MYO10: variants seen among roughly 807,000 people sequenced by gnomAD.
The protein encoded by MYO10 is unconventional myosin-X.
A neutral mutation model predicts 257.3 loss-of-function variants in MYO10; 133 were observed. The ratio of observed to expected loss-of-function variants is 0.52; its 90% CI spans 0.45 to 0.60. The LOEUF (loss-of-function observed/expected upper bound fraction) is 0.60. Ranked by LOEUF, MYO10 falls within the 20% of genes least tolerant of loss-of-function variation. The pLI, the probability that MYO10 is intolerant of heterozygous loss-of-function variation, is 0.00. For missense variants in MYO10, 2,399 were observed against 2,635.7 expected (o/e 0.91, Z 1.97); for synonymous variants, 1,104 against 1,028.6 (o/e 1.07, Z -1.40).
At chr5:16,885,137 C>T (rs373307237) in intron 1 of MYO10, among the ~76,000 whole-genome samples, 125 of 151,558 alleles carry the variant, frequency 8.2e-4, no homozygotes, top group African/African-American at 2.9e-3. Flanking sequence ...GAGCAGAGGC[C>T]GACAGGTGGG....
intron 2 of MYO10, among the ~76,000 whole-genome samples, chr5:16,840,448 A>AAT (rs771759083): frequency 0.01 from 1,146 of 110,356 alleles, 7 homozygotes; most frequent in Non-Finnish European, 0.014. Context: ...AATGAATGAA[A>AAT]GAAAGAAACA....
intron 27 of MYO10, 30 bp downstream of exon 27, chr5:16,694,341 A>G (rs1737635978): frequency 6.2e-6 from 10 of 1,613,218 alleles, no homozygotes; most frequent in Non-Finnish European, 8.5e-6. Flanking sequence ...TGAGCAACCC[A>G]TCGGGCCACA....
intron 19 of MYO10, among the ~76,000 whole-genome samples, chr5:16,748,833 G>A (rs2126638472): frequency 6.6e-6 from 1 of 152,196 alleles, no homozygotes; most frequent in Admixed American, 6.5e-5. Context: ...AACCTGAGGG[G>A]CTGAGTCTGA....
intron 1 of MYO10, among the ~76,000 whole-genome samples, chr5:16,901,429 C>T (rs1170761576): frequency 6.6e-6 from 1 of 152,126 alleles, no homozygotes; most frequent in South Asian, 2.1e-4. Context: ...TTTCCAACAA[C>T]CCAAGAACCT....
chr5:16,902,598 C>T (rs1188707058), intron 1 of MYO10: 41 of 1,568,156 alleles, frequency 2.6e-5, no homozygotes, highest in Middle Eastern at 1.7e-4. Flanking sequence ...CACGTGGCCG[C>T]GGCCCTTTTT....
At chr5:16,684,856 G>T (rs1476923379) in intron 29 of MYO10, among the ~76,000 whole-genome samples, 1 of 152,008 alleles carries the variant, frequency 6.6e-6, no homozygotes, top group Non-Finnish European at 1.5e-5. Context: ...AGACCAGACT[G>T]GGCAACATAG....
intron 2 of MYO10, among the ~76,000 whole-genome samples, chr5:16,834,346 G>A (rs549464235): frequency 8.2e-4 from 125 of 152,236 alleles, no homozygotes; most frequent in Non-Finnish European, 1.1e-3. Flanking sequence ...CTGGTGCACC[G>A]TGATGAGGAC....
chr5:16,722,053 C>T (rs31290), intron 19 of MYO10, among the ~76,000 whole-genome samples: 123,311 of 152,146 alleles, frequency 0.81, 50,202 homozygotes, highest in Non-Finnish European at 0.82. Context: ...CTTCCTGTCT[C>T]CACCTCAGCT....
At chr5:16,880,314 T>C (rs572816703) in intron 1 of MYO10, among the ~76,000 whole-genome samples, 55 of 151,354 alleles carry the variant, frequency 3.6e-4, no homozygotes, top group Non-Finnish European at 6.8e-4. Flanking sequence ...CAGAAGGAGG[T>C]TCTACAAACA....
At chr5:16,935,323 C>A (rs1364087521) in intron 1 of MYO10, among the ~76,000 whole-genome samples, 2 of 152,198 alleles carry the variant, frequency 1.3e-5, no homozygotes, top group Admixed American at 6.5e-5. Context: ...ATTAAGCCGT[C>A]TCCTCTGGAA....
At chr5:16,808,038 AT>A (rs1037464353) in intron 3 of MYO10, among the ~76,000 whole-genome samples, 2 of 152,222 alleles carry the variant, frequency 1.3e-5, no homozygotes, top group Non-Finnish European at 2.9e-5. Flanking sequence ...CGGCATCAGC[AT>A]CGATATGCTG....
intron 1 of MYO10, among the ~76,000 whole-genome samples, chr5:16,890,665 C>A (rs556577018): frequency 6.6e-6 from 1 of 151,498 alleles, no homozygotes; most frequent in Admixed American, 6.6e-5. Flanking sequence ...CACGGAGAAA[C>A]CCTATCTCCA....
intron 2 of MYO10, among the ~76,000 whole-genome samples, chr5:16,848,307 C>T (rs542081262): frequency 3.3e-5 from 5 of 151,980 alleles, no homozygotes; most frequent in African/African-American, 1.2e-4. Context: ...TACAGACATG[C>T]GCCACTACGC....
intron 27 of MYO10, 76 bp from the exon 28 acceptor site, chr5:16,689,995 G>A (rs1427183748): frequency 6.6e-6 from 7 of 1,056,516 alleles, no homozygotes; most frequent in African/African-American, 1.6e-5. Context: ...AACTAATGAA[G>A]CCAATGACTA....
At chr5:16,876,277 G>A (rs1744602198) in intron 2 of MYO10, among the ~76,000 whole-genome samples, 1 of 152,082 alleles carries the variant, frequency 6.6e-6, no homozygotes, top group South Asian at 2.1e-4. Flanking sequence ...GGACGTGCCA[G>A]GTTTCTCTTA....
At chr5:16,706,800 C>A (rs1031066071) in intron 21 of MYO10, among the ~76,000 whole-genome samples, 1 of 152,158 alleles carries the variant, frequency 6.6e-6, no homozygotes, top group Non-Finnish European at 1.5e-5. Flanking sequence ...AGCATTCTTC[C>A]ACATCTTTAT....
intron 1 of MYO10, among the ~76,000 whole-genome samples, chr5:16,901,997 G>A (rs1347350716): frequency 2.6e-5 from 4 of 152,138 alleles, no homozygotes; most frequent in South Asian, 2.1e-4. Flanking sequence ...CTAACACAGC[G>A]TTCTGCTTCT....
intron 2 of MYO10, among the ~76,000 whole-genome samples, chr5:16,861,825 AC>A (rs1744117186): frequency 6.6e-6 from 1 of 152,054 alleles, no homozygotes; most frequent in African/African-American, 2.4e-5. Flanking sequence ...CTGGATGCAA[AC>A]CCCAATACTA....
intron 1 of MYO10, among the ~76,000 whole-genome samples, chr5:16,912,802 G>GCACACACACACACACACACA (rs70943817): frequency 1.3e-4 from 15 of 111,594 alleles, no homozygotes; most frequent in Non-Finnish European, 2.3e-4. Context: ...CTACCACCCT[G>GCACACACACACACACACACA]CACACACACA....
Sources: gnomAD v4.1 joint callset for allele counts (sites outside exome capture counted in the v4.1 genomes callset) on GRCh38, gnomAD v4.1.1 for gene constraint, MANE v1.5 for transcripts, NCBI Gene and HGNC (gene_info 2026-07-23, HGNC 2026-07-21) for gene names.